ZNF254: variants seen among roughly 807,000 people sequenced by gnomAD.
ZNF254 encodes CTD-2017D11.1.
In ZNF254, 10 loss-of-function variants were observed where a neutral mutation model predicts 12.4. The observed-to-expected ratio is 0.80, with a 90% confidence interval of 0.50 to 1.36. The LOEUF (loss-of-function observed/expected upper bound fraction) is 1.36, where lower values mean the gene tolerates loss of function less well. Among genes scored for constraint, ZNF254 ranks in the 40% most tolerant of loss-of-function variants. The pLI is 0.00. For missense variants in ZNF254, 996 were observed against 763.9 expected, an observed-to-expected ratio of 1.30 and a Z score of -3.58; for synonymous variants, 305 against 253.4, an observed-to-expected ratio of 1.20 and a Z score of -1.93.
chr19:24,054,799 A>G (rs1045812824), intron 2 of ZNF254, among the ~76,000 whole-genome samples: 2 of 152,184 alleles, frequency 1.3e-5, no homozygotes, highest in African/African-American at 4.8e-5. Flanking sequence ...AAATTAAGAG[A>G]GATGTTGACT....
intron 2 of ZNF254, among the ~76,000 whole-genome samples, chr19:24,072,976 A>C (rs1971533522): frequency 6.6e-6 from 1 of 152,240 alleles, no homozygotes; most frequent in Admixed American, 6.5e-5. Context: ...CACTAATACC[A>C]CAAACCAGCC....
At chr19:24,093,080 G>C (rs1489355888) in intron 1 of ZNF254, among the ~76,000 whole-genome samples, 1 of 150,260 alleles carries the variant, frequency 6.7e-6, no homozygotes, top group Non-Finnish European at 1.5e-5. Flanking sequence ...ATGTGTGTTA[G>C]CCACATGTTT....
chr19:24,106,125 G>T, intron 2 of ZNF254, 59 bp downstream of exon 2: 2 of 1,500,830 alleles, frequency 1.3e-6, no homozygotes. Flanking sequence ...TTTTTCTTTA[G>T]AATGTTTTCT....
intron 2 of ZNF254, among the ~76,000 whole-genome samples, chr19:24,074,168 T>G (rs938919999): frequency 5.3e-5 from 8 of 152,362 alleles, no homozygotes; most frequent in African/African-American, 1.9e-4. Context: ...TTTGCTGGGT[T>G]CTGCCTAAAG....
rs1383851480 is a variant in ZNF254 at position 24,129,294 on chromosome 19, TTA to T, written c.*1316_*1317del. ...ATGCAGTCTATTTTTAAATTATAAA[TTA>T]TGTGTGAACTTAGCTTTTCAATTCA... On this transcript the variant is annotated 3_prime_UTR_variant, in exon 4 of 4. Coordinates refer to ENST00000357002, the MANE Select transcript of ZNF254 (RefSeq NM_203282.4). The T allele has an allele frequency of 1.3e-5, 2 of 152,094 alleles. No homozygotes were observed. The highest frequency in any genetic ancestry group is 4.8e-5 in the African/African-American group (2 of 41,468). The allele number at this position is 152,094 out of a possible 1,614,324, so 9.4% of individuals were successfully genotyped here. A position where few individuals can be genotyped will look rare whatever the true frequency, so the allele number is the denominator to read the frequency against.
rs533855795 is a variant in ZNF254 at position 24,129,509 on chromosome 19, A to G, written c.*1529A>G. On this transcript the variant is annotated 3_prime_UTR_variant, in exon 4 of 4. Coordinates refer to ENST00000357002, the MANE Select transcript of ZNF254 (RefSeq NM_203282.4). Reference sequence around the variant, plus strand: ...CTTTAAATTGCCAATAAGTTAAAGAATATTGTTCCTATGGGTTAAATTTTT... The same window carrying G: ...CTTTAAATTGCCAATAAGTTAAAGAGTATTGTTCCTATGGGTTAAATTTTT... 6.6e-6 allele frequency: 1 copy of G among 152,148 alleles called. No individual in the cohort carries two copies. Among genetic ancestry groups the G allele is most frequent in the South Asian group, 2.1e-4 (1 of 4,830 alleles). The allele number at this position is 152,148 out of a possible 1,614,324, so 9.4% of individuals were successfully genotyped here.
At chr19:24,054,013 G>A (rs984592306) in intron 2 of ZNF254, among the ~76,000 whole-genome samples, 4 of 152,164 alleles carry the variant, frequency 2.6e-5, no homozygotes, top group African/African-American at 9.7e-5. Context: ...CCTAAAAGGT[G>A]ACACTTCTTG....
intron 3 of ZNF254, among the ~76,000 whole-genome samples, chr19:24,121,861 G>C (rs939224181): frequency 1.3e-5 from 2 of 151,638 alleles, no homozygotes; most frequent in African/African-American, 4.9e-5. Flanking sequence ...GGCTACCCTT[G>C]GTTTTTTTTT....
chr19:24,037,118 G>T (rs1969995883), intron 1 of ZNF254, among the ~76,000 whole-genome samples: 1 of 152,204 alleles, frequency 6.6e-6, no homozygotes, highest in Non-Finnish European at 1.5e-5. Context: ...AACCCTGCCT[G>T]AATCAGTATC....
At chr19:24,125,841 G>A (rs1280466763) in intron 3 of ZNF254, among the ~76,000 whole-genome samples, 2 of 152,088 alleles carry the variant, frequency 1.3e-5, no homozygotes, top group Non-Finnish European at 2.9e-5. Flanking sequence ...ACCAGTGTCA[G>A]GAAAAAACCC....
At chr19:24,065,556 T>A (rs1398100436) in intron 2 of ZNF254, 1 of 152,216 alleles carries the variant, frequency 6.6e-6, no homozygotes, top group Non-Finnish European at 1.5e-5. Context: ...GATTGTTAAT[T>A]CATTACTGGA....
At chr19:24,048,350 G>T (rs910722738) in intron 2 of ZNF254, among the ~76,000 whole-genome samples, 1 of 152,234 alleles carries the variant, frequency 6.6e-6, no homozygotes, top group African/African-American at 2.4e-5. Context: ...CATGGCCCAG[G>T]GTGGAACTGG....
At chr19:24,104,444 T>C (rs1404820675) in intron 1 of ZNF254, 1 of 152,180 alleles carries the variant, frequency 6.6e-6, no homozygotes, top group East Asian at 1.9e-4. Context: ...AGTGACTTTT[T>C]TTTTCAGCTA....
intron 1 of ZNF254, among the ~76,000 whole-genome samples, chr19:24,041,407 A>T (rs927470695): frequency 2.6e-5 from 4 of 152,212 alleles, no homozygotes; most frequent in African/African-American, 9.6e-5. Flanking sequence ...CCACACTCGG[A>T]GCAGCCAGCC....
chr19:24,106,613 A>T lies in ZNF254; in HGVS notation c.223A>T (p.Lys75Ter). 1 of 1,584,606 alleles carries T rather than the reference A, an allele frequency of 6.3e-7. No individual in the cohort carries two copies. Among genetic ancestry groups the T allele is most frequent in the Non-Finnish European group, 8.6e-7 (1 of 1,163,400 alleles). ...ACAAGGGAAAGAGCCCTGGAATATG[A>T]AGCGACATGAGATGGTGGATGAACC... is the stretch of plus-strand genomic sequence containing the variant. Reference protein sequence around the residue: ...LEQGKEPWNMKRHEMVDEPPG... With the variant: ...LEQGKEPWNM Residue 75 changes from lysine (K) to a stop codon, truncating the protein, a stop_gained, in exon 3 of 4, where the codon AAG becomes TAG. Coordinates refer to ENST00000357002, the MANE Select transcript of ZNF254 (RefSeq NM_203282.4). LOFTEE classifies it low-confidence loss of function (END_TRUNC).
chr19:24,109,910 A>G (rs1169135127), intron 3 of ZNF254, among the ~76,000 whole-genome samples: 1 of 144,238 alleles, frequency 6.9e-6, no homozygotes, highest in Non-Finnish European at 1.5e-5. Context: ...TTTTTTTTTT[A>G]GTAGAGACGG....
intron 1 of ZNF254, among the ~76,000 whole-genome samples, chr19:24,090,752 A>G (rs565828394): frequency 1.3e-5 from 2 of 152,168 alleles, no homozygotes; most frequent in South Asian, 4.1e-4. Context: ...CGGTTTTTTA[A>G]CTGTGTATTG....
At chr19:24,049,525 C>T (rs1035803412) in intron 2 of ZNF254, 5 of 152,198 alleles carry the variant, frequency 3.3e-5, no homozygotes, top group East Asian at 1.9e-4. Context: ...AGGATTGTGA[C>T]ATATCGTTGG....
intron 2 of ZNF254, among the ~76,000 whole-genome samples, chr19:24,047,983 G>A (rs4932939): frequency 0.16 from 21,177 of 134,184 alleles, 2,522 homozygotes; most frequent in African/African-American, 0.34. Flanking sequence ...CACTGCACCC[G>A]GCTCTTTTTT....
Sources: allele counts gnomAD v4.1 joint callset (sites outside exome capture counted in the v4.1 genomes callset), GRCh38; gene constraint gnomAD v4.1.1; transcripts MANE v1.5; gene names NCBI Gene and HGNC (gene_info 2026-07-23, HGNC 2026-07-21).